Variants in GABBR2 observed in about 807,000 individuals in gnomAD.
GABBR2 encodes the protein gamma-aminobutyric acid type B receptor subunit 2.
Under a neutral mutation model 105.6 loss-of-function variants are expected in GABBR2, and 23 were observed. The observed-to-expected ratio is 0.22, with a 90% CI of 0.16 to 0.31. The LOEUF (loss-of-function observed/expected upper bound fraction) is 0.31. GABBR2 is among the 10% of genes least tolerant of loss of function. The pLI, the probability that GABBR2 is intolerant of heterozygous loss-of-function variation, is 1.00. For missense variants in GABBR2, 734 were observed against 1,245.5 expected (o/e 0.59, Z 6.18); for synonymous variants, 478 against 499.7 (o/e 0.96, Z 0.58).
intron 7 of GABBR2, among the ~76,000 whole-genome samples, chr9:98,419,556 A>G (rs1832746292): frequency 6.6e-6 from 1 of 152,138 alleles, no homozygotes; most frequent in Non-Finnish European, 1.5e-5. Context: ...ACAAAATTTC[A>G]TAGTGCAAAC....
At chr9:98,652,661 G>A (rs1259163093) in intron 1 of GABBR2, among the ~76,000 whole-genome samples, 1 of 152,174 alleles carries the variant, frequency 6.6e-6, no homozygotes, top group Admixed American at 6.5e-5. Flanking sequence ...CCTCAAGTAG[G>A]CTAAAGCCTT....
At chr9:98,471,551 C>T (rs1423155991) in intron 6 of GABBR2, among the ~76,000 whole-genome samples, 3 of 152,234 alleles carry the variant, frequency 2.0e-5, no homozygotes, top group Non-Finnish European at 4.4e-5. Flanking sequence ...CTGCATGGCT[C>T]CCACCCTGGC....
intron 6 of GABBR2, among the ~76,000 whole-genome samples, chr9:98,470,024 C>T (rs147627761): frequency 0.011 from 1,635 of 152,304 alleles, 20 homozygotes; most frequent in Middle Eastern, 0.027. Flanking sequence ...GAGAAGTTGG[C>T]TTGTGGTCAG....
At chr9:98,536,945 C>A (rs1828192689) in intron 3 of GABBR2, among the ~76,000 whole-genome samples, 1 of 152,216 alleles carries the variant, frequency 6.6e-6, no homozygotes, top group Non-Finnish European at 1.5e-5. Flanking sequence ...CACAAGTAGA[C>A]CGAGGCCACC....
intron 2 of GABBR2, among the ~76,000 whole-genome samples, chr9:98,558,213 C>T (rs1323504795): frequency 6.6e-6 from 1 of 152,142 alleles, no homozygotes; most frequent in Admixed American, 6.5e-5. Context: ...CATTAAAAAA[C>T]AAAGCAAAAA....
chr9:98,406,415 TATTA>T (rs1832491442), intron 7 of GABBR2, among the ~76,000 whole-genome samples: 1 of 152,254 alleles, frequency 6.6e-6, no homozygotes, highest in African/African-American at 2.4e-5. Context: ...TCACCATGAC[TATTA>T]ATTAAACACC....
chr9:98,349,120 A>AT (rs35043735), intron 13 of GABBR2, among the ~76,000 whole-genome samples: 9,560 of 151,736 alleles, frequency 0.063, 390 homozygotes, highest in African/African-American at 0.11. Flanking sequence ...AATTTGTTGA[A>AT]TTTTTTTTTA....
At chr9:98,619,176 T>C (rs1829634021) in intron 1 of GABBR2, among the ~76,000 whole-genome samples, 1 of 151,624 alleles carries the variant, frequency 6.6e-6, no homozygotes, top group African/African-American at 2.4e-5. Flanking sequence ...AAAACAGAAA[T>C]AATAAAAATA....
intron 7 of GABBR2, among the ~76,000 whole-genome samples, chr9:98,450,526 A>G (rs535275472): frequency 1.3e-5 from 2 of 152,200 alleles, no homozygotes; most frequent in Admixed American, 1.3e-4. Context: ...ACTTATGCAA[A>G]GAAAAGGGAG....
intron 1 of GABBR2, among the ~76,000 whole-genome samples, chr9:98,684,509 C>T (rs1830596124): frequency 6.6e-6 from 1 of 152,170 alleles, no homozygotes; most frequent in Non-Finnish European, 1.5e-5. Flanking sequence ...CATTTCCCTT[C>T]CCAGCTGGGA....
chr9:98,588,497 T>TGTA (rs1339441488), intron 1 of GABBR2, among the ~76,000 whole-genome samples: 1 of 152,262 alleles, frequency 6.6e-6, no homozygotes, highest in Non-Finnish European at 1.5e-5. Context: ...TTCTAATTGC[T>TGTA]GTATATACAC....
intron 7 of GABBR2, among the ~76,000 whole-genome samples, chr9:98,450,493 C>T (rs572671803): frequency 9.9e-5 from 15 of 152,210 alleles, no homozygotes; most frequent in Middle Eastern, 3.4e-3. Context: ...TTCACTGTTG[C>T]GGTCTGTCTC....
At chr9:98,515,533 C>G (rs544060893) in intron 3 of GABBR2, among the ~76,000 whole-genome samples, 12 of 152,248 alleles carry the variant, frequency 7.9e-5, no homozygotes, top group African/African-American at 2.6e-4. Flanking sequence ...TGCAAACCCC[C>G]TTTCTTGGCT....
chr9:98,640,563 A>C (rs899188257), intron 1 of GABBR2, among the ~76,000 whole-genome samples: 1 of 152,094 alleles, frequency 6.6e-6, no homozygotes, highest in Non-Finnish European at 1.5e-5. Context: ...GGTACCATAC[A>C]TGGATGTACA....
intron 2 of GABBR2, among the ~76,000 whole-genome samples, chr9:98,546,790 G>T: frequency 8.0e-6 from 1 of 124,500 alleles, no homozygotes. Context: ...CTTTTTTAAT[G>T]CTTCCCTTTT....
intron 1 of GABBR2, among the ~76,000 whole-genome samples, chr9:98,617,724 G>T (rs1392558916): frequency 6.6e-6 from 1 of 152,104 alleles, no homozygotes; most frequent in Non-Finnish European, 1.5e-5. Context: ...GGAGACCTAG[G>T]CCATTTGTTG....
intron 1 of GABBR2, among the ~76,000 whole-genome samples, chr9:98,595,289 C>T (rs1829217035): frequency 6.6e-6 from 1 of 151,906 alleles, no homozygotes; most frequent in Non-Finnish European, 1.5e-5. Context: ...AGGGCTCCAC[C>T]CTCGTGACCT....
intron 5 of GABBR2, among the ~76,000 whole-genome samples, chr9:98,473,905 G>A (rs56200781): frequency 0.04 from 6,103 of 152,226 alleles, 186 homozygotes; most frequent in East Asian, 0.12. Context: ...TTTACTAAAA[G>A]CTGAGGCCTC....
At chr9:98,442,827 C>T (rs996790070) in intron 7 of GABBR2, among the ~76,000 whole-genome samples, 9 of 152,146 alleles carry the variant, frequency 5.9e-5, no homozygotes, top group South Asian at 2.1e-4. Context: ...AAACCTCATC[C>T]GTATCTCTGC....
Sources: allele counts gnomAD v4.1 joint callset (sites outside exome capture counted in the v4.1 genomes callset), GRCh38; gene constraint gnomAD v4.1.1; transcripts MANE v1.5; gene names NCBI Gene and HGNC (gene_info 2026-07-23, HGNC 2026-07-21).